The following MUC17 variants were observed in gnomAD, a reference collection of about 807,000 sequenced individuals.
MUC17 encodes mucin-17.
Under a neutral mutation model 170.3 loss-of-function variants are expected in MUC17, and 190 were observed. That is an observed-to-expected ratio of 1.12 (90% CI 0.99 to 1.26). The LOEUF (loss-of-function observed/expected upper bound fraction) is 1.26. MUC17 is among the 50% of genes most tolerant of loss of function. MUC17 has a pLI of 0.00. For synonymous variants in MUC17, 2,325 were observed against 2,002.5 expected (o/e 1.16, Z -4.30); for missense variants, 6,415 against 5,530.0 (o/e 1.16, Z -5.08).
Position 101,043,320 on chromosome 7 carries a change from C to T in MUC17, c.11904C>T (p.Ser3968=). 1 of 1,614,164 alleles carries T rather than the reference C, an allele frequency of 6.2e-7. No homozygotes were observed. The highest frequency in any genetic ancestry group is 8.5e-7 in the Non-Finnish European group (1 of 1,180,038). Residue 3968 remains serine, a synonymous_variant, in exon 3 of 13, where the codon TCC becomes TCT. Transcript: ENST00000306151. ...TGAVSTPVIT[S]TELNTPSTSS... is the part of the protein sequence containing the mutation. ...CTGTATCTACCCCTGTGATAACTTC[C>T]ACTGAACTAAACACACCATCAACCT...
chr7:101,022,082 G>T (rs537102321), intron 1 of MUC17, among the ~76,000 whole-genome samples: 1 of 151,580 alleles, frequency 6.6e-6, no homozygotes, highest in Non-Finnish European at 1.5e-5. Context: ...GTATCCCTTT[G>T]CCCTCCCCCC....
intron 1 of MUC17, 61 bp downstream of exon 1, chr7:101,020,278 G>A: frequency 6.9e-7 from 1 of 1,455,220 alleles, no homozygotes; most frequent in Non-Finnish European, 9.4e-7. Context: ...AGCCTGCTCT[G>A]TCTGCCCATC....
In MUC17 at chr7:101,035,875, G is replaced by C; in HGVS notation, c.4459G>C (p.Val1487Leu). ...TTPVDSNSPV[V>L]TSTAVSSSPT... is the part of the protein sequence containing the mutation. ...TCCTGTTGACTCTAACAGTCCTGTG[G>C]TCACTTCTACAGCAGTCAGTTCATC... The change falls in exon 3 of 13, where the codon GTC becomes CTC. Residue 1487 changes from valine to leucine, a missense_variant. Coordinates refer to ENST00000306151, the MANE Select transcript of MUC17 (RefSeq NM_001040105.2). 6.3e-7 allele frequency: 1 copy of C among 1,596,556 alleles called. No individual in the cohort carries two copies. The highest frequency in any genetic ancestry group is 8.5e-7 in the Non-Finnish European group (1 of 1,170,444).
rs986208881 is a variant in MUC17 at position 101,042,422 on chromosome 7, C to G, written c.11006C>G (p.Ser3669Cys). The G allele has an allele frequency of 3.1e-6, 5 of 1,614,166 alleles. No individual in the cohort carries two copies. Among genetic ancestry groups the G allele is most frequent in the Non-Finnish European group, 4.2e-6 (5 of 1,180,028 alleles). Residue 3669 changes from serine to cysteine, a missense_variant, in exon 3 of 13, where the codon TCT becomes TGT. Physicochemically the swap from Ser to Cys is moderately radical, Grantham distance 112 (BLOSUM62 -1). Transcript: ENST00000306151. ...PVDTSTPVITSTQVSSSPVTP... is the reference protein window; with the variant it reads ...PVDTSTPVITCTQVSSSPVTP... ...GACACCAGCACACCTGTGATCACTTCTACCCAAGTCAGTTCATCTCCTGTG... is the reference window on the plus strand; with the variant it reads ...GACACCAGCACACCTGTGATCACTTGTACCCAAGTCAGTTCATCTCCTGTG...
intron 1 of MUC17, among the ~76,000 whole-genome samples, chr7:101,026,256 C>G (rs1203085876): frequency 6.6e-6 from 1 of 152,230 alleles, no homozygotes; most frequent in East Asian, 1.9e-4. Flanking sequence ...CCTGCAGGGG[C>G]CAGGCCCAGG....
chr7:101,034,026 G>T lies in MUC17; in HGVS notation c.2610G>T (p.Met870Ile), dbSNP rs542330663. Residue 870 changes from methionine to isoleucine, a missense_variant, in exon 3 of 13, where the codon ATG becomes ATT. Coordinates refer to ENST00000306151, the MANE Select transcript of MUC17 (RefSeq NM_001040105.2). ...YSEGRTPLTSMPVSTTLVATS... is the reference protein window; with the variant it reads ...YSEGRTPLTSIPVSTTLVATS... ...AAGGAAGAACTCCTTTAACAAGTATGCCTGTCAGCACCACACTGGTGGCCA... is the reference window on the plus strand; with the variant it reads ...AAGGAAGAACTCCTTTAACAAGTATTCCTGTCAGCACCACACTGGTGGCCA... 1,098 of 1,600,852 alleles carry T rather than the reference G, an allele frequency of 6.9e-4. 14 individuals are homozygous for T. In the South Asian group the frequency reaches 0.012, roughly 17 times the overall value.
rs1794359633 is a variant in MUC17 at position 101,033,562 on chromosome 7, AGC to A, written c.2147_2148del (p.Ser716AsnfsTer8). On this transcript the variant is annotated frameshift_variant, in exon 3 of 13. Coordinates refer to ENST00000306151, the MANE Select transcript of MUC17 (RefSeq NM_001040105.2). LOFTEE classifies it high-confidence loss of function. ...CCTTTCAACAACTCCTGTTGACACCAGCACACCTGTGACCACTTCAACTGAAG... is the reference window on the plus strand; with the variant it reads ...CCTTTCAACAACTCCTGTTGACACCAACACCTGTGACCACTTCAACTGAAG... ...STLSTTPVDTSTPVTTSTEAS... is the reference protein window; with the variant it reads ...STLSTTPVDTXTPVTTSTEAS... 1.2e-6 allele frequency: 2 copies of A among 1,614,078 alleles called. No homozygotes were observed. The highest frequency in any genetic ancestry group is 2.2e-5 in the East Asian group (1 of 44,872).
rs1029856887 is a variant in MUC17 at position 101,038,615 on chromosome 7, C to T, written c.7199C>T (p.Thr2400Ile). ...TATAGTGAAGGAAGCACTCCACTAA[C>T]AAGTGTGCCTGTCAGCACCATGCCG... ...STYSEGSTPL[T>I]SVPVSTMPVV... The change falls in exon 3 of 13, where the codon ACA (threonine) becomes ATA (isoleucine). Residue 2400 changes from threonine to isoleucine, a missense_variant. Thr to Ile is a moderately conservative substitution (Grantham distance 89). Coordinates refer to ENST00000306151, the MANE Select transcript of MUC17 (RefSeq NM_001040105.2). 3 of 1,614,118 alleles carry T rather than the reference C, an allele frequency of 1.9e-6. No homozygotes were observed. Among genetic ancestry groups the T allele is most frequent in the Non-Finnish European group, 2.5e-6 (3 of 1,180,018 alleles).
rs1378080224 is a variant in MUC17, at chr7:101,053,075, G to T, written c.13193G>T (p.Gly4398Val). ...CTGGTGTACGGCCTCGTGGGGGCAGGGGTCGTGCTGATGCTGATCATCCTG... is the reference window on the plus strand; with the variant it reads ...CTGGTGTACGGCCTCGTGGGGGCAGTGGTCGTGCTGATGCTGATCATCCTG... ...KSLVYGLVGA[G>V]VVLMLIILVA... is the part of the protein sequence containing the mutation. The change falls in exon 10 of 13, where the codon GGG becomes GTG. Residue 4398 changes from glycine to valine, a missense_variant. By Grantham distance (109) the Gly-to-Val change is moderately radical. Coordinates refer to ENST00000306151, the MANE Select transcript of MUC17 (RefSeq NM_001040105.2). The T allele has an allele frequency of 1.2e-6, 2 of 1,614,110 alleles. No individual in the cohort carries two copies. The highest frequency in any genetic ancestry group is 4.5e-5 in the East Asian group (2 of 44,876).
rs1294113865 is a variant in MUC17 at position 101,034,042 on chromosome 7, C to G, written c.2626C>G (p.Leu876Val). Residue 876 changes from leucine to valine, a missense_variant, in exon 3 of 13, where the codon CTG becomes GTG. Coordinates refer to ENST00000306151, the MANE Select transcript of MUC17 (RefSeq NM_001040105.2). ...AACAAGTATGCCTGTCAGCACCACA[C>G]TGGTGGCCACTTCTGCAATCAGCAC... The part of the protein sequence containing the change: ...PLTSMPVSTT[L>V]VATSAISTLS... 14 of 1,601,212 alleles carry G rather than the reference C, an allele frequency of 8.7e-6. No individual in the cohort carries two copies. Among genetic ancestry groups the G allele is most frequent in the Middle Eastern group, 1.7e-4 (1 of 6,002 alleles).
rs767516672 is a variant in MUC17, at chr7:101,036,748, A to T, written c.5332A>T (p.Thr1778Ser). The stretch of plus-strand genomic sequence containing the variant: ...TTCAGCAACTCCTATTGACACCAGC[A>T]CCCCTGTGACCACTTCTACTGAAGC... ...TLSATPIDTS[T>S]PVTTSTEATS... The change falls in exon 3 of 13, where the codon ACC becomes TCC. Residue 1778 changes from threonine to serine, a missense_variant. By Grantham distance (58) the Thr-to-Ser change is moderately conservative. Coordinates refer to ENST00000306151, the MANE Select transcript of MUC17 (RefSeq NM_001040105.2). 14 of 1,612,144 alleles carry T rather than the reference A, an allele frequency of 8.7e-6. No homozygotes were observed. The highest frequency in any genetic ancestry group is 1.0e-5 in the Non-Finnish European group (12 of 1,179,458).
rs530473308 is a variant in MUC17, at chr7:101,040,445, C to A, written c.9029C>A (p.Thr3010Asn). The A allele has an allele frequency of 2.5e-6, 4 of 1,611,948 alleles. No individual in the cohort carries two copies. In the Admixed American group the frequency reaches 6.7e-5, roughly 27 times the overall value. ...TCTGAGGCTAGCACCCTTTCAAGAA[C>A]TCCTGCTGACACCAGCACACCTGTG... ...ASSEASTLSR[T>N]PADTSTPVTT... is the part of the protein sequence containing the mutation. Residue 3010 changes from threonine to asparagine, a missense_variant, in exon 3 of 13, where the codon ACT becomes AAT. By Grantham distance (65) the Thr-to-Asn change is moderately conservative (BLOSUM62 0). Coordinates refer to ENST00000306151, the MANE Select transcript of MUC17 (RefSeq NM_001040105.2).
chr7:101,042,342 C>A lies in MUC17; in HGVS notation c.10926C>A (p.Val3642=). The A allele has an allele frequency of 6.2e-7, 1 of 1,614,232 alleles. No homozygotes were observed. Among genetic ancestry groups the A allele is most frequent in the Admixed American group, 1.7e-5 (1 of 60,028 alleles). Residue 3642 remains valine, a synonymous_variant, in exon 3 of 13, where the codon GTC becomes GTA. Coordinates refer to ENST00000306151, the MANE Select transcript of MUC17 (RefSeq NM_001040105.2). ...GCACTCCATTAACCATTATGCCTGT[C>A]AGCACCACATCGGTGACCATTTCTG... is the stretch of plus-strand genomic sequence containing the variant. The part of the protein sequence containing the change: ...EVSTPLTIMP[V]STTSVTISEA...
At chr7:101,050,407 G>A in intron 6 of MUC17, 77 bp from the exon 7 acceptor site, 1 of 1,547,650 alleles carries the variant, frequency 6.5e-7, no homozygotes, top group African/African-American at 1.4e-5. Flanking sequence ...GATCAGAGAG[G>A]GTGAAGCTTG....
chr7:101,047,911 A>G, intron 3 of MUC17, 73 bp from the exon 4 acceptor site: 8 of 1,473,386 alleles, frequency 5.4e-6, no homozygotes, highest in Non-Finnish European at 7.2e-6. Flanking sequence ...TAACCACAGT[A>G]GATCCCTGCT....
Position 101,058,013 on chromosome 7 carries a change from A to G in MUC17, c.13451A>G (p.Gln4484Arg), listed in dbSNP as rs754600840. The G allele has an allele frequency of 2.5e-6, 4 of 1,613,926 alleles. No homozygotes were observed. The South Asian group carries it at 4.4e-5, about 18-fold the overall frequency. Residue 4484 changes from glutamine to arginine, a missense_variant, in exon 13 of 13, where the codon CAG becomes CGG. Transcript: ENST00000306151. ...TATCTCTCTTTTCAGATCCGAATTC[A>G]GAGGCCTCAGGTAATGACGACATCA... ...HIDPETKIRI[Q>R]RPQVMTTSF
At chr7:101,030,913 C>G (rs530710992) in intron 1 of MUC17, among the ~76,000 whole-genome samples, 1 of 152,304 alleles carries the variant, frequency 6.6e-6, no homozygotes, top group African/African-American at 2.4e-5. Context: ...ATTGCTGGAC[C>G]TCCTCCAGGC....
In MUC17 at chr7:101,033,039, T is replaced by C; in HGVS notation, c.1623T>C (p.Pro541=). The change falls in exon 3 of 13, where the codon CCT becomes CCC. Residue 541 remains proline (P), a synonymous_variant. Transcript: ENST00000306151. ...CAACTCCTGTTGACACCAGCACACC[T>C]GTGACCACTTCTAGTGAAGCCAGTT... ...LSTTPVDTST[P]VTTSSEASSS... is the part of the protein sequence containing the mutation. The C allele has an allele frequency of 6.2e-7, 1 of 1,613,252 alleles. No homozygotes were observed. Among genetic ancestry groups the C allele is most frequent in the Non-Finnish European group, 8.5e-7 (1 of 1,179,886 alleles).
rs753938085 is a variant in MUC17 at position 101,040,513 on chromosome 7, G to A, written c.9097G>A (p.Gly3033Ser). ...CAGTTCCTCTCCTACAACTGCTGAA[G>A]GTACCGGCATACCAATCTCAACTCC... ...EASSSPTTAEGTGIPISTPSE... is the reference protein window; with the variant it reads ...EASSSPTTAESTGIPISTPSE... The change falls in exon 3 of 13, where the codon GGT (glycine) becomes AGT (serine). Residue 3033 changes from glycine (G) to serine (S), a missense_variant. By Grantham distance (56) the Gly-to-Ser change is moderately conservative. Coordinates refer to ENST00000306151, the MANE Select transcript of MUC17 (RefSeq NM_001040105.2). The A allele has an allele frequency of 6.8e-6, 11 of 1,611,272 alleles. 2 individuals carry two copies. The Admixed American group carries it at 1.8e-4, about 27-fold the overall frequency.
Sources: allele counts gnomAD v4.1 joint callset (sites outside exome capture counted in the v4.1 genomes callset), GRCh38; gene constraint gnomAD v4.1.1; transcripts MANE v1.5; gene names NCBI Gene and HGNC (gene_info 2026-07-23, HGNC 2026-07-21).